Variants in GPNMB observed in about 807,000 individuals in gnomAD.
The protein encoded by GPNMB is transmembrane glycoprotein NMB.
Under a neutral mutation model 57.3 loss-of-function variants are expected in GPNMB, and 71 were observed. The ratio of observed to expected loss-of-function variants is 1.24; its 90% CI spans 1.02 to 1.51. The LOEUF (loss-of-function observed/expected upper bound fraction) is 1.51. GPNMB is among the 40% of genes most tolerant of loss of function. The pLI, the probability that GPNMB is intolerant of heterozygous loss-of-function variation, is 0.00. For synonymous variants in GPNMB, 253 were observed against 263.2 expected (o/e 0.96, Z 0.38); for missense variants, 677 against 691.9 (o/e 0.98, Z 0.24).
intron 6 of GPNMB, among the ~76,000 whole-genome samples, chr7:23,264,096 GA>G (rs35143635): frequency 0.1 from 11,390 of 109,552 alleles, 466 homozygotes; most frequent in Non-Finnish European, 0.13. Context: ...GAACAAATCT[GA>G]AAAAAAAAAA....
chr7:23,266,688 C>T (rs1374586875), intron 7 of GPNMB, 73 bp downstream of exon 7: 1 of 1,401,924 alleles, frequency 7.1e-7, no homozygotes, highest in Non-Finnish European at 9.9e-7. Context: ...TCTCTGCTAA[C>T]TCTGAAGGGG....
intron 3 of GPNMB, among the ~76,000 whole-genome samples, chr7:23,254,901 T>G (rs1782740615): frequency 6.6e-6 from 1 of 152,160 alleles, no homozygotes; most frequent in Non-Finnish European, 1.5e-5. Context: ...CCGGATACCA[T>G]GGCTCATGCC....
At chr7:23,253,576 A>G in intron 2 of GPNMB, 117 bp downstream of exon 2, 2 of 837,256 alleles carry the variant, frequency 2.4e-6, no homozygotes, top group Non-Finnish European at 1.8e-6. Context: ...CAGTGCTCTC[A>G]TTACCAAGTG....
In GPNMB at chr7:23,274,899, A is replaced by T. The variant is rs377404853; in HGVS notation, c.*675A>T. ...TATACCAGGCATGATGCTGAGTGAC[A>T]CTCTTGTGTATATTTCCAAATTTTT... On this transcript the variant is annotated 3_prime_UTR_variant, in exon 11 of 11. Coordinates refer to ENST00000258733, the MANE Select transcript of GPNMB (RefSeq NM_002510.3). The T allele has an allele frequency of 6.6e-6, 1 of 152,000 alleles. No homozygotes were observed. Among genetic ancestry groups the T allele is most frequent in the Non-Finnish European group, 1.5e-5 (1 of 68,018 alleles). 9.4% of individuals were successfully genotyped at this position (152,000 alleles called of 1,614,324 possible).
At chr7:23,271,641 C>A (rs1272035199) in intron 9 of GPNMB, among the ~76,000 whole-genome samples, 1 of 151,924 alleles carries the variant, frequency 6.6e-6, no homozygotes. Context: ...ACTAAAAATA[C>A]AAAAATTAGC....
intron 1 of GPNMB, among the ~76,000 whole-genome samples, chr7:23,248,542 G>T (rs753629069): frequency 6.6e-6 from 1 of 152,130 alleles, no homozygotes; most frequent in Non-Finnish European, 1.5e-5. Flanking sequence ...AAGCACTAAA[G>T]ATTTCCTACC....
intron 4 of GPNMB, chr7:23,258,016 CAAATA>C (rs1361103341): frequency 6.6e-6 from 1 of 152,002 alleles, no homozygotes; most frequent in African/African-American, 2.4e-5. Context: ...TCATTGTGTA[CAAATA>C]AAATAACTAC....
chr7:23,271,703 G>A (rs1001905695), intron 9 of GPNMB, among the ~76,000 whole-genome samples: 5 of 152,010 alleles, frequency 3.3e-5, no homozygotes, highest in African/African-American at 9.7e-5. Flanking sequence ...GGCTGAGGTA[G>A]GAGAATAATT....
intron 1 of GPNMB, among the ~76,000 whole-genome samples, chr7:23,251,145 A>G (rs1251805641): frequency 6.6e-6 from 1 of 152,198 alleles, no homozygotes; most frequent in Non-Finnish European, 1.5e-5. Flanking sequence ...GCTAGAAAAC[A>G]TGTTCCATGA....
intron 9 of GPNMB, among the ~76,000 whole-genome samples, chr7:23,272,262 G>A (rs1783225326): frequency 6.6e-6 from 1 of 152,206 alleles, no homozygotes; most frequent in African/African-American, 2.4e-5. Context: ...TTAGACATTT[G>A]CTTTCCTTTA....
chr7:23,266,961 C>T (rs975801625), intron 7 of GPNMB, among the ~76,000 whole-genome samples: 2 of 152,170 alleles, frequency 1.3e-5, no homozygotes, highest in African/African-American at 4.8e-5. Flanking sequence ...CACTGTCTTC[C>T]CCTAGTTAAT....
In GPNMB at chr7:23,253,340, C is replaced by A. The variant is rs994359321; in HGVS notation, c.104C>A (p.Ser35Tyr). 1.2e-6 allele frequency: 2 copies of A among 1,613,602 alleles called. No individual in the cohort carries two copies. Among genetic ancestry groups the A allele is most frequent in the Admixed American group, 3.3e-5 (2 of 59,992 alleles). ...FHDVLGNERP[S>Y]AYMREHNQLN... The stretch of plus-strand genomic sequence containing the variant: ...GATGTGCTGGGCAATGAAAGACCTT[C>A]TGCTTACATGAGGGAGCACAATCAA... Residue 35 changes from serine to tyrosine, a missense_variant, in exon 2 of 11, where the codon TCT becomes TAT. Transcript: ENST00000258733.
At chr7:23,257,430 G>C (rs1204065123) in intron 4 of GPNMB, 1 of 361,216 alleles carries the variant, frequency 2.8e-6, no homozygotes, top group Non-Finnish European at 5.1e-6. Flanking sequence ...CCAGCACCTT[G>C]GAAGGCGGAG....
intron 6 of GPNMB, among the ~76,000 whole-genome samples, chr7:23,263,860 T>C (rs1033920359): frequency 8.8e-6 from 1 of 113,718 alleles, no homozygotes; most frequent in Non-Finnish European, 1.8e-5. Flanking sequence ...ATTATATTAT[T>C]GTTTGGCCAA....
intron 5 of GPNMB, 59 bp from the exon 6 acceptor site, chr7:23,260,397 C>T: frequency 1.5e-6 from 2 of 1,340,036 alleles, no homozygotes; most frequent in East Asian, 4.6e-5. Context: ...CGTCGAAGCC[C>T]TCCACTTACA....
chr7:23,252,460 C>G (rs985607893), intron 1 of GPNMB, among the ~76,000 whole-genome samples: 10 of 152,166 alleles, frequency 6.6e-5, no homozygotes, highest in African/African-American at 1.9e-4. Flanking sequence ...CAGTTAAACA[C>G]TAAGCATTCA....
chr7:23,247,685 A>C (rs1277685963), intron 1 of GPNMB: 1 of 152,364 alleles, frequency 6.6e-6, no homozygotes. Context: ...CCAAAGGCGC[A>C]GCGGCTTCTG....
At chr7:23,249,082 T>C (rs1782603898) in intron 1 of GPNMB, among the ~76,000 whole-genome samples, 3 of 152,158 alleles carry the variant, frequency 2.0e-5, no homozygotes, top group African/African-American at 7.2e-5. Context: ...CGGATGGGTT[T>C]ATTTTATTTT....
At chr7:23,254,415 A>T (rs1300920565) in intron 3 of GPNMB, 103 bp downstream of exon 3, 1 of 875,242 alleles carries the variant, frequency 1.1e-6, no homozygotes, top group Non-Finnish European at 1.8e-6. Flanking sequence ...ATCCCTTGCC[A>T]CTGCACTCCA....
Sources: allele counts gnomAD v4.1 joint callset (sites outside exome capture counted in the v4.1 genomes callset), GRCh38; gene constraint gnomAD v4.1.1; transcripts MANE v1.5; gene names NCBI Gene and HGNC (gene_info 2026-07-23, HGNC 2026-07-21).